RBPMS: variants seen among roughly 807,000 people sequenced by gnomAD.
RBPMS encodes the protein RNA binding protein, mRNA processing factor, also known as RNA-binding protein with multiple splicing.
In RBPMS, 7 loss-of-function variants were observed where a neutral mutation model predicts 26.8. The observed-to-expected ratio is 0.26, with a 90% CI of 0.15 to 0.49. The LOEUF is 0.49. RBPMS is among the 20% of genes least tolerant of loss of function. The probability of loss-of-function intolerance (pLI) is 0.98; values close to 1 mark genes in which losing one functional copy is unlikely to be tolerated. For missense variants in RBPMS, 186 were observed against 250.0 expected (o/e 0.74, Z 1.73); for synonymous variants, 96 against 93.3 (o/e 1.03, Z -0.17).
At chr8:30,386,192 A>G (rs1454343996) in intron 1 of RBPMS, among the ~76,000 whole-genome samples, 1 of 152,212 alleles carries the variant, frequency 6.6e-6, no homozygotes, top group Admixed American at 6.5e-5. Context: ...TGAACACAGA[A>G]GGTAAACGGA....
At chr8:30,533,620 G>A (rs17553230) in intron 5 of RBPMS, among the ~76,000 whole-genome samples, 35,753 of 152,038 alleles carry the variant, frequency 0.24, 4,670 homozygotes, top group East Asian at 0.4. Context: ...CAAATTCCTT[G>A]GCACACAGAA....
intron 1 of RBPMS, among the ~76,000 whole-genome samples, chr8:30,473,021 A>G (rs1171348781): frequency 6.6e-6 from 1 of 152,248 alleles, no homozygotes; most frequent in East Asian, 1.9e-4. Context: ...CAATTGAACA[A>G]TTGAGCATCG....
chr8:30,387,625 G>A (rs1331529653), intron 1 of RBPMS, among the ~76,000 whole-genome samples: 1 of 152,108 alleles, frequency 6.6e-6, no homozygotes, highest in Admixed American at 6.6e-5. Flanking sequence ...GGAAAAATGT[G>A]TTTCGTTGTA....
chr8:30,457,561 G>T (rs1815357434), intron 1 of RBPMS, among the ~76,000 whole-genome samples: 1 of 143,782 alleles, frequency 7.0e-6, no homozygotes, highest in African/African-American at 2.6e-5. Flanking sequence ...GAAATCCTAA[G>T]TTTTAGAATT....
intron 1 of RBPMS, among the ~76,000 whole-genome samples, chr8:30,423,372 CT>C (rs1258191448): frequency 6.6e-6 from 1 of 152,208 alleles, no homozygotes; most frequent in Non-Finnish European, 1.5e-5. Context: ...CTTGGCACCT[CT>C]TTCCTCTTTG....
chr8:30,445,650 A>ATG (rs1491160964), intron 1 of RBPMS, among the ~76,000 whole-genome samples: 5 of 3,778 alleles, frequency 1.3e-3, no homozygotes, highest in African/African-American at 3.9e-3. Context: ...ATACACACGG[A>ATG]TATATATATA....
At chr8:30,447,000 G>C (rs1813942462) in intron 1 of RBPMS, 1 of 151,932 alleles carries the variant, frequency 6.6e-6, no homozygotes, top group Non-Finnish European at 1.5e-5. Context: ...CATCTTCTAG[G>C]CAACAAGAAA....
At chr8:30,491,556 G>A (rs192559041) in intron 4 of RBPMS, among the ~76,000 whole-genome samples, 6 of 152,084 alleles carry the variant, frequency 3.9e-5, no homozygotes, top group Non-Finnish European at 8.8e-5. Context: ...GGCCTATTGC[G>A]GTCTATGTCT....
chr8:30,385,860 C>G (rs1196886298), intron 1 of RBPMS, among the ~76,000 whole-genome samples: 1 of 152,012 alleles, frequency 6.6e-6, no homozygotes, highest in African/African-American at 2.4e-5. Flanking sequence ...GTGGTGCGTC[C>G]GTAATCATGA....
In RBPMS at chr8:30,439,174, AAATT is replaced by A. The variant is rs771145861; in HGVS notation, c.67-35602_67-35599del. On this transcript the variant is annotated intron_variant, in intron 1 of 8. Coordinates refer to ENST00000397323, the MANE Select transcript of RBPMS (RefSeq NM_001008710.3). ...TGTTATTTTGTTCTTATTTGAGACT[AAATT>A]AACAGCTGTAGTCAGTTACTATGCT... Among the ~76,000 whole-genome samples, 42 of 152,368 alleles carry A rather than the reference AAATT, an allele frequency of 2.8e-4. 1 individual carries two copies. Among genetic ancestry groups the A allele is most frequent in the African/African-American group, 9.9e-4 (41 of 41,592 alleles).
intron 2 of RBPMS, among the ~76,000 whole-genome samples, chr8:30,475,712 A>C (rs1817615495): frequency 6.6e-6 from 1 of 152,246 alleles, no homozygotes; most frequent in South Asian, 2.1e-4. Context: ...GGATATGACA[A>C]CTAAAAACTC....
intron 6 of RBPMS, chr8:30,547,510 C>CA: frequency 6.5e-7 from 1 of 1,526,788 alleles, no homozygotes; most frequent in South Asian, 1.3e-5. Context: ...TTAATCAGAG[C>CA]AAAAATGAAC....
At chr8:30,509,842 A>C (rs1821403364) in intron 5 of RBPMS, among the ~76,000 whole-genome samples, 1 of 152,160 alleles carries the variant, frequency 6.6e-6, no homozygotes, top group African/African-American at 2.4e-5. Context: ...CATAACCAAA[A>C]TCCTACATGC....
intron 1 of RBPMS, among the ~76,000 whole-genome samples, chr8:30,422,916 T>C (rs1810959745): frequency 6.6e-6 from 1 of 152,246 alleles, no homozygotes; most frequent in South Asian, 2.1e-4. Context: ...ATCTACTTCA[T>C]GTGCTGGGGA....
At chr8:30,520,130 T>G (rs1009152765) in intron 5 of RBPMS, among the ~76,000 whole-genome samples, 1 of 152,222 alleles carries the variant, frequency 6.6e-6, no homozygotes, top group African/African-American at 2.4e-5. Flanking sequence ...ATCACCTTCA[T>G]TTTAACGACT....
intron 4 of RBPMS, among the ~76,000 whole-genome samples, chr8:30,485,848 G>C (rs1245072805): frequency 6.6e-6 from 1 of 152,164 alleles, no homozygotes; most frequent in African/African-American, 2.4e-5. Flanking sequence ...CTTTGTTCTG[G>C]CTCTGTTCTC....
At chr8:30,520,474 A>G (rs896440192) in intron 5 of RBPMS, among the ~76,000 whole-genome samples, 11 of 152,034 alleles carry the variant, frequency 7.2e-5, no homozygotes, top group Admixed American at 6.6e-5. Context: ...AGGGGCAGGG[A>G]AGGGACAGTA....
intron 1 of RBPMS, among the ~76,000 whole-genome samples, chr8:30,426,859 T>C (rs1811417238): frequency 6.6e-6 from 1 of 150,578 alleles, no homozygotes; most frequent in African/African-American, 2.5e-5. Context: ...CACACAGACA[T>C]ACACACAATG....
intron 6 of RBPMS, among the ~76,000 whole-genome samples, chr8:30,548,379 C>T (rs1826030578): frequency 6.6e-6 from 1 of 151,988 alleles, no homozygotes; most frequent in Non-Finnish European, 1.5e-5. Context: ...ACCATACACC[C>T]TGTACTTCAG....
Sources: gnomAD v4.1 joint callset for allele counts (sites outside exome capture counted in the v4.1 genomes callset) on GRCh38, gnomAD v4.1.1 for gene constraint, MANE v1.5 for transcripts, NCBI Gene and HGNC (gene_info 2026-07-23, HGNC 2026-07-21) for gene names.